PAXIP1: variants seen among roughly 807,000 people sequenced by gnomAD.
The protein encoded by PAXIP1 is PAX-interacting protein 1.
In PAXIP1, 19 loss-of-function variants were observed where a neutral mutation model predicts 140.6. The ratio of observed to expected loss-of-function variants is 0.14; its 90% confidence interval spans 0.09 to 0.20. PAXIP1 has a LOEUF of 0.20. Among genes scored for constraint, PAXIP1 ranks in the 10% least tolerant of loss-of-function variants. The probability of loss-of-function intolerance (pLI) is 1.00; values close to 1 mark genes in which losing one functional copy is unlikely to be tolerated. For missense variants in PAXIP1, 920 were observed against 1,208.6 expected (o/e 0.76, Z 3.54); for synonymous variants, 442 against 444.6 (o/e 0.99, Z 0.07).
In PAXIP1 at chr7:154,957,186, A is replaced by T. The variant is rs1456693495; in HGVS notation, c.2549+38T>A. Reference sequence around the variant, plus strand: ...ACCGATTTTCCAAAGCAGACCTGTGAAAGCCAGCAATGAAAAATTTAAGGT... The same window carrying T: ...ACCGATTTTCCAAAGCAGACCTGTGTAAGCCAGCAATGAAAAATTTAAGGT... On this transcript the variant is annotated intron_variant, in intron 14 of 20. Coordinates refer to ENST00000404141, the MANE Select transcript of PAXIP1 (RefSeq NM_007349.4). 10 of 1,194,348 alleles carry T rather than the reference A, an allele frequency of 8.4e-6. No individual in the cohort carries two copies. In the Admixed American group the frequency reaches 2.0e-4, roughly 24 times the overall value. The allele number at this position is 1,194,348 out of a possible 1,614,324, so 74.0% of individuals were successfully genotyped here.
In PAXIP1 at chr7:154,963,367, G is replaced by T. The variant is rs528519190; in HGVS notation, c.1989+304C>A. On this transcript the variant is annotated intron_variant, in intron 9 of 20. Coordinates refer to ENST00000404141, the MANE Select transcript of PAXIP1 (RefSeq NM_007349.4). The surrounding 1 kb of genome is among the most constrained non-coding windows in gnomAD (Gnocchi z 4.1). ...ATTTTTGTATTTTTAGTAGAGACAG[G>T]ATTTCACCAGGTTGGTCAGGCTGGT... is the stretch of plus-strand genomic sequence containing the variant. 6.6e-6 allele frequency among the ~76,000 whole-genome samples: 1 copy of T among 152,028 alleles called. No homozygotes were observed. Among genetic ancestry groups the T allele is most frequent in the South Asian group, 2.1e-4 (1 of 4,816 alleles).
At chr7:154,952,198 T>C (rs932286532) in intron 16 of PAXIP1, 4 of 152,246 alleles carry the variant, frequency 2.6e-5, no homozygotes, top group African/African-American at 9.6e-5. Flanking sequence ...ACTTAGTACA[T>C]GCGAGCCGCA....
At chr7:154,974,555 CTCCT>C (rs1446509322) in intron 6 of PAXIP1, 1 of 152,270 alleles carries the variant, frequency 6.6e-6, no homozygotes, top group African/African-American at 2.4e-5. Flanking sequence ...CACATGGCCT[CTCCT>C]TGTCATTCAA....
chr7:154,992,210 T>C (rs1407955752), intron 3 of PAXIP1, among the ~76,000 whole-genome samples: 1 of 152,134 alleles, frequency 6.6e-6, no homozygotes, highest in Non-Finnish European at 1.5e-5. Context: ...TGGAGCGCAG[T>C]GGCACAATCT....
rs747206562 is a variant in PAXIP1 at position 154,946,425 on chromosome 7, T to A, written c.3134A>T (p.Asp1045Val). The A allele has an allele frequency of 6.2e-7, 1 of 1,613,526 alleles. No homozygotes were observed. Among genetic ancestry groups the A allele is most frequent in the South Asian group, 1.1e-5 (1 of 91,076 alleles). ...LCREYFARGIDVHNAEFVLTG... is the reference protein window; with the variant it reads ...LCREYFARGIVVHNAEFVLTG... ...CAGAACGAACTCTGCATTGTGAACA[T>A]CTGAACAGGGTGGAAACAGACACTT... Residue 1045 changes from aspartate to valine, a missense_variant and splice_region_variant, in exon 20 of 21, where the codon GAT becomes GTT. Physicochemically the swap from Asp to Val is radical, Grantham distance 152. Around this residue, in one of 5 missense-constraint regions of PAXIP1, gnomAD observed 303 missense variants for 517.9 expected, o/e 0.59. Coordinates refer to ENST00000404141, the MANE Select transcript of PAXIP1 (RefSeq NM_007349.4). This position sits in a 1 kb window ranked among gnomAD's most constrained non-coding sequence, Gnocchi z 4.9.
intron 20 of PAXIP1, chr7:154,944,806 A>C (rs1439533058): frequency 6.6e-6 from 1 of 152,214 alleles, no homozygotes; most frequent in African/African-American, 2.4e-5. Flanking sequence ...CAGGCCTCTT[A>C]TCATTCCTAT....
chr7:154,944,782 CTG>C (rs1052461034), intron 20 of PAXIP1: 2 of 152,162 alleles, frequency 1.3e-5, no homozygotes, highest in African/African-American at 4.8e-5. Flanking sequence ...TATAGCATAT[CTG>C]TAAAAATTTA....
chr7:154,960,675 C>CAAAACA (rs373611065), intron 12 of PAXIP1, among the ~76,000 whole-genome samples: 3,524 of 151,748 alleles, frequency 0.023, 140 homozygotes, highest in African/African-American at 0.081. Flanking sequence ...GACCCTGTCT[C>CAAAACA]AAAACAAAAA....
intron 5 of PAXIP1, among the ~76,000 whole-genome samples, chr7:154,981,246 G>A (rs184959262): frequency 5.9e-5 from 9 of 152,336 alleles, no homozygotes; most frequent in African/African-American, 1.9e-4. Context: ...TACGCCGCAA[G>A]CAGCACTGTA....
chr7:154,999,318 C>T (rs1234566670), intron 1 of PAXIP1, among the ~76,000 whole-genome samples: 1 of 152,196 alleles, frequency 6.6e-6, no homozygotes, highest in Admixed American at 6.5e-5. Flanking sequence ...CTTTCTTACA[C>T]ACTATGCAAA....
chr7:154,985,831 A>G (rs1338861409), intron 4 of PAXIP1, among the ~76,000 whole-genome samples: 1 of 152,234 alleles, frequency 6.6e-6, no homozygotes, highest in Non-Finnish European at 1.5e-5. Flanking sequence ...AAAGAGTCTT[A>G]CATGATGTCC....
At chr7:154,944,458 CAT>C (rs1807836277) in intron 20 of PAXIP1, 1 of 260,006 alleles carries the variant, frequency 3.8e-6, no homozygotes, top group East Asian at 7.9e-5. Context: ...TTTAAATTAA[CAT>C]GTACAACACA....
At chr7:154,995,609 G>C (rs1810550761) in intron 2 of PAXIP1, among the ~76,000 whole-genome samples, 1 of 152,178 alleles carries the variant, frequency 6.6e-6, no homozygotes, top group African/African-American at 2.4e-5. Flanking sequence ...CAGCACTTTG[G>C]GAGGCCAAGG....
Position 154,973,833 on chromosome 7 carries a change from T to C in PAXIP1, c.1074+1863A>G, listed in dbSNP as rs545636525. The stretch of plus-strand genomic sequence containing the variant: ...GGAGAATACTGGATCCGGCTTCAGG[T>C]TGTTCCTATATGCTACAGAGCCATT... On this transcript the variant is annotated intron_variant, in intron 6 of 20. Transcript: ENST00000404141. This position sits in a 1 kb window ranked among gnomAD's most constrained non-coding sequence, Gnocchi z 4.0. Among the ~76,000 whole-genome samples the C allele has an allele frequency of 1.2e-3, 180 of 152,318 alleles. No individual in the cohort carries two copies. The highest frequency in any genetic ancestry group is 4.0e-3 in the African/African-American group (166 of 41,568).
At chr7:155,001,060 T>C (rs1166469655) in intron 1 of PAXIP1, 1 of 152,222 alleles carries the variant, frequency 6.6e-6, no homozygotes, top group Non-Finnish European at 1.5e-5. Context: ...ACCTAGTCCA[T>C]GCCTGCCTCA....
intron 6 of PAXIP1, among the ~76,000 whole-genome samples, chr7:154,972,762 ACTGCGTGG>A (rs1178547862): frequency 6.6e-6 from 1 of 152,230 alleles, no homozygotes; most frequent in Non-Finnish European, 1.5e-5. Context: ...GGACAGGTCC[ACTGCGTGG>A]CCGCAGTCTT....
intron 5 of PAXIP1, among the ~76,000 whole-genome samples, chr7:154,978,884 T>A (rs766584825): frequency 2.7e-4 from 41 of 152,334 alleles, no homozygotes; most frequent in Non-Finnish European, 5.1e-4. Flanking sequence ...CTTAAAAGGC[T>A]GGGATCCAGT....
At chr7:154,962,589 A>T (rs997576726) in intron 9 of PAXIP1, 131 bp from the exon 10 acceptor site, 6 of 715,434 alleles carry the variant, frequency 8.4e-6, no homozygotes, top group Non-Finnish European at 1.3e-5. Flanking sequence ...GACATCTAGC[A>T]CTTGATTAAA....
chr7:154,986,268 G>A lies in PAXIP1; in HGVS notation c.325-2936C>T, dbSNP rs1810065535. 1 of 909,322 alleles carries A rather than the reference G, an allele frequency of 1.1e-6. No individual in the cohort carries two copies. The highest frequency in any genetic ancestry group is 1.5e-6 in the Non-Finnish European group (1 of 666,408). The allele number at this position is 909,322 out of a possible 1,614,324, so 56.3% of individuals were successfully genotyped here. On this transcript the variant is annotated intron_variant, in intron 4 of 20. Transcript: ENST00000404141. This position sits in a 1 kb window ranked among gnomAD's most constrained non-coding sequence, Gnocchi z 4.8. ...GGTCCTGCCTGGCGTGTGCATGTGA[G>A]TGTGTGTGCGCATGGGTGCTCCAGT...
Sources: gnomAD v4.1 joint callset for allele counts (sites outside exome capture counted in the v4.1 genomes callset) on GRCh38, gnomAD v4.1.1 for gene constraint, gnomAD v4.1.1 regional missense constraint, Gnocchi (gnomAD v3.1) non-coding constraint, MANE v1.5 for transcripts, NCBI Gene and HGNC (gene_info 2026-07-23, HGNC 2026-07-21) for gene names.